The following DOCK7 variants were observed in gnomAD, a reference collection of about 807,000 sequenced individuals.
The protein encoded by DOCK7 is dedicator of cytokinesis protein 7.
Under a neutral mutation model 271.0 loss-of-function variants are expected in DOCK7, and 138 were observed. That is an observed-to-expected ratio of 0.51 (90% confidence interval 0.44 to 0.59). The LOEUF is 0.59. Among genes scored for constraint, DOCK7 ranks in the 20% least tolerant of loss-of-function variants. The probability of loss-of-function intolerance (pLI) is 0.00; values close to 1 mark genes in which losing one functional copy is unlikely to be tolerated. For missense variants in DOCK7, 2,066 were observed against 2,592.4 expected (o/e 0.80, Z 4.41); for synonymous variants, 823 against 876.1 (o/e 0.94, Z 1.07).
chr1:62,585,494 G>C (rs921629868), intron 15 of DOCK7, among the ~76,000 whole-genome samples: 1 of 152,050 alleles, frequency 6.6e-6, no homozygotes, highest in Admixed American at 6.6e-5. Flanking sequence ...CATGAAACTT[G>C]CATTTATTAG....
At chr1:62,528,410 A>G in intron 30 of DOCK7, 105 bp from the exon 31 acceptor site, 1 of 1,046,646 alleles carries the variant, frequency 9.6e-7, no homozygotes. Context: ...GACATGTTAT[A>G]GTTATTAGAT....
chr1:62,485,156 A>C (rs550458054), intron 43 of DOCK7: 40 of 985,356 alleles, frequency 4.1e-5, no homozygotes, highest in Admixed American at 1.8e-4. Context: ...ATTTTAAAAG[A>C]CAACAAACAT....
chr1:62,583,923 G>A (rs1430019439), intron 15 of DOCK7, among the ~76,000 whole-genome samples: 1 of 152,082 alleles, frequency 6.6e-6, no homozygotes, highest in East Asian at 1.9e-4. Flanking sequence ...GAATACTGTC[G>A]TTAATCAGAG....
At chr1:62,650,335 C>T (rs1281552485) in intron 4 of DOCK7, among the ~76,000 whole-genome samples, 1 of 150,272 alleles carries the variant, frequency 6.7e-6, no homozygotes, top group Non-Finnish European at 1.5e-5. Context: ...ACATATAAGA[C>T]TCTCAATAAA....
intron 43 of DOCK7, among the ~76,000 whole-genome samples, chr1:62,479,349 T>C (rs1231458752): frequency 1.3e-5 from 2 of 152,036 alleles, no homozygotes; most frequent in Admixed American, 6.5e-5. Context: ...TAAAGAAAAA[T>C]GTATTTGGAG....
intron 2 of DOCK7, among the ~76,000 whole-genome samples, chr1:62,660,678 T>G (rs1239926092): frequency 6.6e-6 from 1 of 152,218 alleles, no homozygotes; most frequent in African/African-American, 2.4e-5. Flanking sequence ...AAAAGCTAAT[T>G]GTACTCTCAT....
intron 15 of DOCK7, chr1:62,584,873 G>C: frequency 1.4e-6 from 1 of 716,938 alleles, no homozygotes; most frequent in East Asian, 2.7e-5. Flanking sequence ...GGGTGCAGCT[G>C]GGGCTCTGTA....
chr1:62,462,243 C>T (rs1645551905), intron 48 of DOCK7, among the ~76,000 whole-genome samples: 2 of 152,228 alleles, frequency 1.3e-5, no homozygotes, highest in South Asian at 4.1e-4. Flanking sequence ...TCTCTTCCAA[C>T]TGATCTATAA....
chr1:62,532,712 C>T (rs1367178746), intron 29 of DOCK7, among the ~76,000 whole-genome samples: 2 of 152,064 alleles, frequency 1.3e-5, no homozygotes, highest in Non-Finnish European at 2.9e-5. Context: ...ACCTGAAGAA[C>T]CACAAGCAAG....
chr1:62,681,847 A>G (rs1323623987), intron 1 of DOCK7, among the ~76,000 whole-genome samples: 1 of 152,192 alleles, frequency 6.6e-6, no homozygotes, highest in African/African-American at 2.4e-5. Flanking sequence ...CAAAGAAGCA[A>G]GACAGCAAAG....
chr1:62,469,108 G>A (rs1645758369), intron 48 of DOCK7, among the ~76,000 whole-genome samples: 1 of 152,146 alleles, frequency 6.6e-6, no homozygotes, highest in Non-Finnish European at 1.5e-5. Flanking sequence ...AGCCCACATA[G>A]CCAAAGCGAG....
At chr1:62,634,628 T>C in intron 9 of DOCK7, 145 bp downstream of exon 9, 1 of 770,880 alleles carries the variant, frequency 1.3e-6, no homozygotes, top group Non-Finnish European at 2.0e-6. Flanking sequence ...TAGCACCTAC[T>C]GTGTATGTCC....
chr1:62,652,714 G>C (rs758911988), intron 4 of DOCK7, among the ~76,000 whole-genome samples: 2 of 152,026 alleles, frequency 1.3e-5, no homozygotes, highest in Non-Finnish European at 1.5e-5. Context: ...CTGATTATAG[G>C]TTTCTAACAT....
At chr1:62,641,452 C>T (rs995899051) in intron 7 of DOCK7, 3 of 416,556 alleles carry the variant, frequency 7.2e-6, no homozygotes, top group African/African-American at 6.1e-5. Context: ...CTCACTTGGT[C>T]TTGTGGGGCA....
At chr1:62,528,344 T>C (rs764207368) in intron 30 of DOCK7, 39 bp from the exon 31 acceptor site, 11 of 1,545,540 alleles carry the variant, frequency 7.1e-6, no homozygotes, top group East Asian at 2.4e-5. Flanking sequence ...TAAAACTGTT[T>C]AGCTGAACTA....
chr1:62,461,677 T>TA (rs369840723), intron 48 of DOCK7, among the ~76,000 whole-genome samples: 14 of 134,976 alleles, frequency 1.0e-4, no homozygotes, highest in Non-Finnish European at 1.7e-4. Context: ...TCTCAAAAAA[T>TA]AAATAAAATA....
At chr1:62,616,743 A>G (rs1454861398) in intron 14 of DOCK7, among the ~76,000 whole-genome samples, 1 of 151,824 alleles carries the variant, frequency 6.6e-6, no homozygotes, top group East Asian at 1.9e-4. Context: ...AAATGTCATC[A>G]TATCAATATG....
intron 29 of DOCK7, 69 bp downstream of exon 29, chr1:62,535,424 A>T: frequency 7.5e-7 from 1 of 1,329,422 alleles, no homozygotes; most frequent in Non-Finnish European, 1.0e-6. Flanking sequence ...AGGAAATGTG[A>T]GTGGAATACT....
chr1:62,610,545 G>A (rs1283550812), intron 14 of DOCK7, among the ~76,000 whole-genome samples: 1 of 151,948 alleles, frequency 6.6e-6, no homozygotes, highest in African/African-American at 2.4e-5. Context: ...TATACACGTG[G>A]TATGGTGGTT....
Sources: gnomAD v4.1 joint callset for allele counts (sites outside exome capture counted in the v4.1 genomes callset) on GRCh38, gnomAD v4.1.1 for gene constraint, MANE v1.5 for transcripts, NCBI Gene and HGNC (gene_info 2026-07-23, HGNC 2026-07-21) for gene names.